BDH1: variants seen among roughly 807,000 people sequenced by gnomAD.
BDH1 encodes the protein 3-hydroxybutyrate dehydrogenase 1.
In BDH1, 30 loss-of-function variants were observed where a neutral mutation model predicts 33.1. The observed-to-expected ratio is 0.91, with a 90% CI of 0.68 to 1.23. The LOEUF is 1.23. Among genes scored for constraint, BDH1 ranks in the 50% most tolerant of loss-of-function variants. BDH1 has a pLI of 0.00. For synonymous variants in BDH1, 190 were observed against 183.6 expected (o/e 1.03, Z -0.28); for missense variants, 443 against 464.4 (o/e 0.95, Z 0.42).
At chr3:197,552,787 TTTATC>T (rs770279492) in intron 2 of BDH1, among the ~76,000 whole-genome samples, 1 of 152,348 alleles carries the variant, frequency 6.6e-6, no homozygotes, top group East Asian at 1.9e-4. Context: ...GTTGTACATA[TTTATC>T]TTGTTTGTTG....
At chr3:197,532,722 C>A (rs531644829) in intron 4 of BDH1, among the ~76,000 whole-genome samples, 200 bp from the exon 5 acceptor site, 1 of 152,360 alleles carries the variant, frequency 6.6e-6, no homozygotes, top group South Asian at 2.1e-4. Context: ...GGCTACCAAC[C>A]AGCAATGTTG....
intron 1 of BDH1, among the ~76,000 whole-genome samples, chr3:197,567,626 C>G (rs367649849): frequency 6.6e-6 from 1 of 152,096 alleles, no homozygotes; most frequent in Non-Finnish European, 1.5e-5. Flanking sequence ...TCGTCAGGAC[C>G]GCTTGAGGCA....
At chr3:197,564,766 G>T (rs34400011) in intron 1 of BDH1, among the ~76,000 whole-genome samples, 8,510 of 152,076 alleles carry the variant, frequency 0.056, 311 homozygotes, top group African/African-American at 0.087. Flanking sequence ...AAATTAACAA[G>T]GTTTTTATGA....
Position 197,511,539 on chromosome 3 carries a change from G to GA in BDH1, c.*355dup, listed in dbSNP as rs3214596. On this transcript the variant is annotated 3_prime_UTR_variant, in exon 8 of 8. Transcript: ENST00000392379. ...AGCTGCAAATGCTTCATTTACAAAA[G>GA]AAAAAAACCTGTCCTTTTCATTCAT... 10 of 288,086 alleles carry GA rather than the reference G, an allele frequency of 3.5e-5. No individual in the cohort carries two copies. In the East Asian group the frequency reaches 4.2e-4, roughly 12 times the overall value. The allele number at this position is 288,086 out of a possible 1,614,324, so 17.8% of individuals were successfully genotyped here.
chr3:197,537,743 A>G (rs1715278585), intron 3 of BDH1, among the ~76,000 whole-genome samples: 2 of 152,198 alleles, frequency 1.3e-5, no homozygotes, highest in South Asian at 4.1e-4. Flanking sequence ...TAAATTTTGC[A>G]TCTTCTGCAT....
chr3:197,515,189 C>G (rs930801706), intron 6 of BDH1, among the ~76,000 whole-genome samples: 56 of 152,188 alleles, frequency 3.7e-4, no homozygotes, highest in African/African-American at 1.3e-3. Flanking sequence ...TTCCGTGTTA[C>G]CCAAATTAAA....
At chr3:197,568,216 A>C (rs1380113228) in intron 1 of BDH1, among the ~76,000 whole-genome samples, 1 of 152,118 alleles carries the variant, frequency 6.6e-6, no homozygotes, top group Non-Finnish European at 1.5e-5. Context: ...AGGGAATAAA[A>C]ACACTGTCTA....
chr3:197,538,185 C>T, intron 3 of BDH1: 1 of 427,380 alleles, frequency 2.3e-6, no homozygotes, highest in Non-Finnish European at 4.7e-6. Context: ...TCTACTCCAT[C>T]TTCCCAGAAG....
At chr3:197,515,710 C>T (rs1409624040) in intron 6 of BDH1, 1 of 969,952 alleles carries the variant, frequency 1.0e-6, no homozygotes, top group African/African-American at 2.1e-5. Flanking sequence ...TGCTCTCCCT[C>T]CCTCCACGCC....
At position 197,520,061 on chromosome 3, in the gene BDH1, G is replaced by A. The variant is rs931501850; in HGVS notation, c.409+2579C>T. Among the ~76,000 whole-genome samples, 1 of 151,808 alleles carries A rather than the reference G, an allele frequency of 6.6e-6. No individual in the cohort carries two copies. Among genetic ancestry groups the A allele is most frequent in the East Asian group, 1.9e-4 (1 of 5,160 alleles). Reference sequence around the variant, plus strand: ...GGGTCGGTGGCGGCCACTGCGGGTCGGAACGCTCTGGGAGGGTGCTCCCTG... The same window carrying A: ...GGGTCGGTGGCGGCCACTGCGGGTCAGAACGCTCTGGGAGGGTGCTCCCTG... On this transcript the variant is annotated intron_variant, in intron 6 of 7. Coordinates refer to ENST00000392379, the MANE Select transcript of BDH1 (RefSeq NM_203314.3). The surrounding 1 kb of genome is among the most constrained non-coding windows in gnomAD (Gnocchi z 6.0).
Position 197,562,479 on chromosome 3 carries a change from C to T in BDH1, c.-44+10702G>A, listed in dbSNP as rs527330877. ...TGGGTGACCAGGGGCCTCGTGGGAG[C>T]GTCTGGGGAGTTGACCCCCTGCAAC... On this transcript the variant is annotated intron_variant, in intron 1 of 6. Coordinates refer to the BDH1 transcript ENST00000358186. Among the ~76,000 whole-genome samples, 108 of 152,310 alleles carry T rather than the reference C, an allele frequency of 7.1e-4. 1 individual carries two copies. The highest frequency in any genetic ancestry group is 2.3e-3 in the African/African-American group (94 of 41,574).
At position 197,512,143 on chromosome 3, in the gene BDH1, C is replaced by T; in HGVS notation, c.784G>A (p.Glu262Lys). 1 of 1,614,180 alleles carries T rather than the reference C, an allele frequency of 6.2e-7. No individual in the cohort carries two copies. The highest frequency in any genetic ancestry group is 1.1e-5 in the South Asian group (1 of 91,086). ...SIQAIAKKMWEELPEVVRKDY... is the reference protein window; with the variant it reads ...SIQAIAKKMWKELPEVVRKDY... ...TTGCGCACGACCTCAGGCAGCTCCT[C>T]CCACATCTTCTTGGCGATGGCCTGA... Residue 262 changes from glutamate to lysine, a missense_variant, in exon 8 of 8, where the codon GAG (glutamate) becomes AAG (lysine). Coordinates refer to ENST00000392379, the MANE Select transcript of BDH1 (RefSeq NM_203314.3).
chr3:197,554,113 C>G lies in BDH1; in HGVS notation c.-44+449G>C, dbSNP rs28412749. On this transcript the variant is annotated intron_variant, in intron 2 of 7. Transcript: ENST00000392379. The surrounding 1 kb of genome is among the most constrained non-coding windows in gnomAD (Gnocchi z 4.4). ...AGCCCTGTACTTTCCAATTTTCGAG[C>G]CTTGCTCATCCTATACCAAACTGAC... is the stretch of plus-strand genomic sequence containing the variant. Among the ~76,000 whole-genome samples the G allele has an allele frequency of 4.3e-3, 659 of 152,292 alleles. 5 individuals carry two copies. Among genetic ancestry groups the G allele is most frequent in the African/African-American group, 0.014 (602 of 41,550 alleles).
At chr3:197,538,328 C>T (rs1048514132) in intron 3 of BDH1, 28 of 456,032 alleles carry the variant, frequency 6.1e-5, no homozygotes, top group African/African-American at 2.2e-4. Flanking sequence ...CCATTTGACG[C>T]CATTCAAATT....
upstream of BDH1, among the ~76,000 whole-genome samples, chr3:197,556,853 G>A (rs1210868914): frequency 6.6e-6 from 1 of 152,216 alleles, no homozygotes; most frequent in East Asian, 1.9e-4. Context: ...ATGAGAAACA[G>A]GCTGAGGAGA....
chr3:197,543,173 A>T (rs990116895), intron 3 of BDH1: 1 of 985,252 alleles, frequency 1.0e-6, no homozygotes, highest in Non-Finnish European at 1.2e-6. Flanking sequence ...ATCTAACAAG[A>T]CGGGGCTTAG....
At chr3:197,568,481 T>C (rs544395017) in intron 1 of BDH1, among the ~76,000 whole-genome samples, 3 of 152,226 alleles carry the variant, frequency 2.0e-5, no homozygotes, top group Admixed American at 1.3e-4. Flanking sequence ...TTAACGTGAC[T>C]GTAATGCTGA....
At chr3:197,547,188 A>AG (rs1716157232) in intron 2 of BDH1, among the ~76,000 whole-genome samples, 1 of 152,240 alleles carries the variant, frequency 6.6e-6, no homozygotes, top group African/African-American at 2.4e-5. Context: ...TAACACCTTA[A>AG]GGCTGCTAGG....
chr3:197,520,510 G>A lies in BDH1; in HGVS notation c.409+2130C>T, dbSNP rs772326304. ...TAGGCTGCCTGGCCAGTCCAGTACA[G>A]ACAATGGAAGTGATTCTGCCCCAGA... On this transcript the variant is annotated intron_variant, in intron 6 of 7. Coordinates refer to ENST00000392379, the MANE Select transcript of BDH1 (RefSeq NM_203314.3). This position sits in a 1 kb window ranked among gnomAD's most constrained non-coding sequence, Gnocchi z 6.0. Among the ~76,000 whole-genome samples, 3 of 152,162 alleles carry A rather than the reference G, an allele frequency of 2.0e-5. No homozygotes were observed. Among genetic ancestry groups the A allele is most frequent in the Non-Finnish European group, 4.4e-5 (3 of 68,026 alleles).
Sources: allele counts gnomAD v4.1 joint callset (sites outside exome capture counted in the v4.1 genomes callset), GRCh38; gene constraint gnomAD v4.1.1; non-coding constraint Gnocchi (gnomAD v3.1); transcripts MANE v1.5; gene names NCBI Gene and HGNC (gene_info 2026-07-23, HGNC 2026-07-21).